The following RHPN2 variants were observed in gnomAD, a reference collection of about 807,000 sequenced individuals.
RHPN2 encodes the protein rhophilin-2.
RHPN2 carries 40 observed loss-of-function variants against 79.0 expected under a neutral mutation model. That is an observed-to-expected ratio of 0.51 (90% CI 0.39 to 0.66). RHPN2 has a LOEUF of 0.66. Among genes scored for constraint, RHPN2 ranks in the 30% least tolerant of loss-of-function variants. The pLI is 0.00. For synonymous variants in RHPN2, 285 were observed against 363.5 expected (o/e 0.78, Z 2.46); for missense variants, 686 against 883.5 (o/e 0.78, Z 2.83).
At chr19:33,007,685 C>T (rs1260443308) in intron 7 of RHPN2, among the ~76,000 whole-genome samples, 3 of 151,674 alleles carry the variant, frequency 2.0e-5, no homozygotes, top group Admixed American at 6.6e-5. Context: ...TGGAAAAGAT[C>T]GTCAGCCACA....
intron 10 of RHPN2, among the ~76,000 whole-genome samples, chr19:32,999,010 G>A (rs1971727175): frequency 6.7e-6 from 1 of 149,760 alleles, no homozygotes; most frequent in South Asian, 2.2e-4. Context: ...GGAGCAGAGG[G>A]GAGGGGATGG....
chr19:33,025,805 T>C (rs1308965920), intron 3 of RHPN2, among the ~76,000 whole-genome samples: 1 of 152,212 alleles, frequency 6.6e-6, no homozygotes, highest in East Asian at 1.9e-4. Flanking sequence ...TAAAATATCC[T>C]TGCTTAATGT....
intron 4 of RHPN2, among the ~76,000 whole-genome samples, chr19:33,018,379 G>A (rs1331431179): frequency 6.6e-6 from 1 of 152,006 alleles, no homozygotes; most frequent in Non-Finnish European, 1.5e-5. Context: ...CTGTTGCCCA[G>A]GCTGGTCTCA....
Position 33,032,588 on chromosome 19 carries a change from A to G in RHPN2, c.186-5956T>C, listed in dbSNP as rs1972022048. On this transcript the variant is annotated intron_variant, in intron 2 of 14. Transcript: ENST00000254260. ...CACAGGAACAGGACAAAGACCAAATATTTATCTTTTATTATGCCACAGCAA... is the reference window on the plus strand; with the variant it reads ...CACAGGAACAGGACAAAGACCAAATGTTTATCTTTTATTATGCCACAGCAA... 1.3e-5 allele frequency among the ~76,000 whole-genome samples: 2 copies of G among 152,228 alleles called. 1 individual carries two copies. Among genetic ancestry groups the G allele is most frequent in the South Asian group, 4.1e-4 (2 of 4,824 alleles).
chr19:33,036,042 G>T (rs11880141), intron 2 of RHPN2, among the ~76,000 whole-genome samples: 2 of 151,182 alleles, frequency 1.3e-5, no homozygotes, highest in Non-Finnish European at 2.9e-5. Flanking sequence ...GCATGAACCC[G>T]GGAGGCAGAG....
chr19:32,991,880 G>C lies in RHPN2; in HGVS notation c.1587C>G (p.Thr529=). Residue 529 remains threonine, a synonymous_variant, in exon 13 of 15, where the codon ACC becomes ACG. Coordinates refer to ENST00000254260, the MANE Select transcript of RHPN2 (RefSeq NM_033103.5). ...CCTGAACGGGGGCGTTCCCTCTCAAGGTGAACCCCAAGTCCCCTTCTTCTG... is the reference window on the plus strand; with the variant it reads ...CCTGAACGGGGGCGTTCCCTCTCAACGTGAACCCCAAGTCCCCTTCTTCTG... ...FTAEEGDLGF[T]LRGNAPVQVH... 1 of 1,613,974 alleles carries C rather than the reference G, an allele frequency of 6.2e-7. No homozygotes were observed. The highest frequency in any genetic ancestry group is 8.5e-7 in the Non-Finnish European group (1 of 1,179,868).
rs541170630 is a variant in RHPN2 at position 32,984,318 on chromosome 19, TATC to T, written c.1801-4065_1801-4063del. Among the ~76,000 whole-genome samples the T allele has an allele frequency of 2.7e-3, 414 of 152,280 alleles. 1 individual carries two copies. Among genetic ancestry groups the T allele is most frequent in the South Asian group, 0.027 (129 of 4,822 alleles). On this transcript the variant is annotated intron_variant, in intron 14 of 14. Coordinates refer to ENST00000254260, the MANE Select transcript of RHPN2 (RefSeq NM_033103.5). ...CTTGACTGTCATTATCTAAAATCCT[TATC>T]ATAAAAATTAATAGACAAAAATAAT...
chr19:32,989,240 G>A (rs931990156), intron 14 of RHPN2, among the ~76,000 whole-genome samples: 1 of 152,128 alleles, frequency 6.6e-6, no homozygotes, highest in Admixed American at 6.6e-5. Context: ...CTCCTGAGTA[G>A]CTGGGGTTAC....
rs189350172 is a variant in RHPN2 at position 33,007,466 on chromosome 19, A to C, written c.760+548T>G. 4.6e-3 allele frequency among the ~76,000 whole-genome samples: 702 copies of C among 151,216 alleles called. 5 individuals carry two copies. Among genetic ancestry groups the C allele is most frequent in the Admixed American group, 9.7e-3 (146 of 15,072 alleles). On this transcript the variant is annotated intron_variant, in intron 7 of 14. Coordinates refer to ENST00000254260, the MANE Select transcript of RHPN2 (RefSeq NM_033103.5). ...CATGCCACTGCGCTCCAGCCTGTGC[A>C]ACAAGAGCAAAACTCCATCTCATAA...
intron 10 of RHPN2, among the ~76,000 whole-genome samples, chr19:32,997,552 C>T (rs1243412442): frequency 2.6e-5 from 4 of 151,840 alleles, no homozygotes; most frequent in East Asian, 1.9e-4. Context: ...TGCAGTGGCA[C>T]GATCTCGGCT....
intron 1 of RHPN2, among the ~76,000 whole-genome samples, chr19:33,060,520 C>T (rs1301246089): frequency 1.3e-5 from 2 of 151,962 alleles, no homozygotes; most frequent in Non-Finnish European, 2.9e-5. Context: ...GTTTACACGG[C>T]CGTTTCTTTG....
At chr19:33,045,854 C>A (rs1972138677) in intron 1 of RHPN2, among the ~76,000 whole-genome samples, 1 of 152,312 alleles carries the variant, frequency 6.6e-6, no homozygotes, top group Non-Finnish European at 1.5e-5. Flanking sequence ...ATTTCCTTTT[C>A]CCCTTAACCC....
intron 9 of RHPN2, among the ~76,000 whole-genome samples, chr19:33,001,033 C>T (rs1228627724): frequency 2.0e-5 from 3 of 152,118 alleles, no homozygotes; most frequent in Non-Finnish European, 4.4e-5. Context: ...ACAGGCCCTT[C>T]GTTTTCGTTT....
Position 33,011,791 on chromosome 19 carries a change from G to A in RHPN2, c.481C>T (p.Pro161Ser). ...TCCACCCCGGCCTCATCCCGGCTAG[G>A]CGTCCGACAAGCCTGCAAGGAAAAG... ...LMDLRQACRT[P>S]SRDEAGVELL... The change falls in exon 6 of 15, where the codon CCT becomes TCT. Residue 161 changes from proline to serine, a missense_variant. Transcript: ENST00000254260. 5 of 1,613,982 alleles carry A rather than the reference G, an allele frequency of 3.1e-6. No individual in the cohort carries two copies. Among genetic ancestry groups the A allele is most frequent in the Non-Finnish European group, 4.2e-6 (5 of 1,179,868 alleles).
intron 4 of RHPN2, among the ~76,000 whole-genome samples, chr19:33,020,033 C>A (rs556179863): frequency 6.6e-6 from 1 of 152,242 alleles, no homozygotes; most frequent in African/African-American, 2.4e-5. Flanking sequence ...ATGGTCTCTC[C>A]TGTGTTCTCC....
intron 14 of RHPN2, among the ~76,000 whole-genome samples, chr19:32,983,902 C>T (rs1315446364): frequency 2.6e-5 from 4 of 152,182 alleles, no homozygotes; most frequent in East Asian, 1.9e-4. Flanking sequence ...GCTGGGATTA[C>T]AGGCGTGAGC....
In RHPN2 at chr19:33,008,114, C is replaced by A; in HGVS notation, c.660G>T (p.Leu220=). Residue 220 remains leucine, a synonymous_variant, in exon 7 of 15, where the codon CTG becomes CTT. Transcript: ENST00000254260. Reference sequence around the variant, plus strand: ...GGGTGTAGAGGGCCCCAGTGTTGAACAGGACACTGGCCTTCTCCAGCAGCA... The same window carrying A: ...GGGTGTAGAGGGCCCCAGTGTTGAAAAGGACACTGGCCTTCTCCAGCAGCA... The part of the protein sequence containing the change: ...QNLLLEKASV[L]FNTGALYTQI... 1 of 1,614,116 alleles carries A rather than the reference C, an allele frequency of 6.2e-7. No individual in the cohort carries two copies. The highest frequency in any genetic ancestry group is 8.5e-7 in the Non-Finnish European group (1 of 1,179,994).
intron 2 of RHPN2, among the ~76,000 whole-genome samples, chr19:33,029,267 C>G (rs1318558304): frequency 6.6e-6 from 1 of 152,016 alleles, no homozygotes; most frequent in Non-Finnish European, 1.5e-5. Flanking sequence ...TAGCTCACGC[C>G]TGTAATCCCA....
intron 1 of RHPN2, among the ~76,000 whole-genome samples, chr19:33,050,750 C>T (rs1302091207): frequency 2.0e-5 from 3 of 152,132 alleles, no homozygotes; most frequent in African/African-American, 7.2e-5. Context: ...GTGAACTCGG[C>T]TCACTGCAAA....
Sources: allele counts gnomAD v4.1 joint callset (sites outside exome capture counted in the v4.1 genomes callset), GRCh38; gene constraint gnomAD v4.1.1; transcripts MANE v1.5; gene names NCBI Gene and HGNC (gene_info 2026-07-23, HGNC 2026-07-21).